The following BCL2L14 variants were observed in gnomAD, a reference collection of about 807,000 sequenced individuals.
The protein encoded by BCL2L14 is BCL2 like 14, also known as apoptosis facilitator Bcl-2-like protein 14.
Under a neutral mutation model 35.3 loss-of-function variants are expected in BCL2L14, and 27 were observed. The ratio of observed to expected loss-of-function variants is 0.76; its 90% CI spans 0.56 to 1.05. The LOEUF is 1.05. Among genes scored for constraint, BCL2L14 ranks in the 50% least tolerant of loss-of-function variants. BCL2L14 has a pLI of 0.00. For synonymous variants in BCL2L14, 139 were observed against 145.9 expected (o/e 0.95, Z 0.34); for missense variants, 377 against 382.6 (o/e 0.99, Z 0.12).
intron 3 of BCL2L14, among the ~76,000 whole-genome samples, chr12:12,089,753 T>C (rs1336314477): frequency 6.6e-6 from 1 of 152,234 alleles, no homozygotes; most frequent in Non-Finnish European, 1.5e-5. Flanking sequence ...GCCACGTTCC[T>C]ATCCATCTGC....
At chr12:12,050,404 A>G (rs950840408) in intron 1 of BCL2L14, among the ~76,000 whole-genome samples, 15 of 145,434 alleles carry the variant, frequency 1.0e-4, no homozygotes, top group African/African-American at 3.9e-4. Context: ...CTGCACTCCA[A>G]CCTGGGCGAC....
chr12:12,061,496 A>G (rs185657188), intron 2 of BCL2L14, among the ~76,000 whole-genome samples: 1,362 of 43,458 alleles, frequency 0.031, 22 homozygotes, highest in Admixed American at 0.043. Flanking sequence ...TCCTAGAACA[A>G]GACAAGCCTT....
chr12:12,085,126 AG>A (rs1949015623), intron 2 of BCL2L14, among the ~76,000 whole-genome samples: 1 of 149,996 alleles, frequency 6.7e-6, no homozygotes, highest in African/African-American at 2.5e-5. Flanking sequence ...GTACACAGTT[AG>A]CCAGATTGAG....
At chr12:12,053,785 C>T (rs1306360258) in intron 2 of BCL2L14, among the ~76,000 whole-genome samples, 2 of 152,176 alleles carry the variant, frequency 1.3e-5, no homozygotes, top group Admixed American at 1.3e-4. Flanking sequence ...GAAGCCACTG[C>T]ATACTGATGA....
Position 12,094,619 on chromosome 12 carries a change from G to A in BCL2L14, c.679-45G>A, listed in dbSNP as rs758270759. 36 of 1,614,068 alleles carry A rather than the reference G, an allele frequency of 2.2e-5. 1 individual carries two copies. The highest frequency in any genetic ancestry group is 1.6e-4 in the Middle Eastern group (1 of 6,084). ...TAAAGAATGAACTTCTGTCTGCCTCGTGGAGCCAAGCTACTGTACTGAGTG... is the reference window on the plus strand; with the variant it reads ...TAAAGAATGAACTTCTGTCTGCCTCATGGAGCCAAGCTACTGTACTGAGTG... On this transcript the variant is annotated intron_variant, in intron 4 of 5. Transcript: ENST00000308721.
chr12:12,095,387 C>T, intron 5 of BCL2L14: 2 of 985,288 alleles, frequency 2.0e-6, no homozygotes, highest in Non-Finnish European at 2.4e-6. Flanking sequence ...CTGCTTTGAC[C>T]CAGCCATTTT....
intron 1 of BCL2L14, among the ~76,000 whole-genome samples, chr12:12,050,793 T>TAAAAAAAAAA (rs3052084): frequency 1.0e-3 from 88 of 88,160 alleles, no homozygotes; most frequent in Middle Eastern, 5.1e-3. Context: ...GCTGATGAGC[T>TAAAAAAAAAA]AAAAAAAAAA....
chr12:12,061,967 C>T (rs1303617063), intron 2 of BCL2L14, among the ~76,000 whole-genome samples: 4 of 152,206 alleles, frequency 2.6e-5, no homozygotes, highest in African/African-American at 9.7e-5. Context: ...CAGGACCGCA[C>T]CCTGTAACCT....
chr12:12,050,793 T>TAAAA (rs3052084), intron 1 of BCL2L14, among the ~76,000 whole-genome samples: 73 of 88,280 alleles, frequency 8.3e-4, no homozygotes, highest in African/African-American at 2.3e-3. Context: ...GCTGATGAGC[T>TAAAA]AAAAAAAAAA....
At position 12,098,949 on chromosome 12, in the gene BCL2L14, G is replaced by A. The variant is rs1949373500; in HGVS notation, c.946-1G>A. ...TTTAAGAACCTATTTTTCCCCTCTA[G>A]GAAAAAATACTTGGGATATCACATG... On this transcript the variant is annotated splice_acceptor_variant, in intron 5 of 5. Coordinates refer to ENST00000308721, the MANE Select transcript of BCL2L14 (RefSeq NM_138723.2). LOFTEE classifies it high-confidence loss of function. 6.3e-7 allele frequency: 1 copy of A among 1,589,296 alleles called. No individual in the cohort carries two copies. Among genetic ancestry groups the A allele is most frequent in the African/African-American group, 1.3e-5 (1 of 74,462 alleles).
rs372255665 is a variant in BCL2L14, at chr12:12,058,528, T to C, written c.-272+6681T>C. 3.9e-5 allele frequency among the ~76,000 whole-genome samples: 6 copies of C among 152,238 alleles called. No individual in the cohort carries two copies. In the East Asian group the frequency reaches 7.7e-4, roughly 20 times the overall value. On this transcript the variant is annotated intron_variant, in intron 2 of 3. Transcript: ENST00000461264. ...CCTGTTCCTGCCTTAACTGATGACA[T>C]TGTCTTGTGAAATTCCTTCTCCTGG...
intron 4 of BCL2L14, among the ~76,000 whole-genome samples, chr12:12,091,367 A>G (rs10845479): frequency 0.24 from 35,842 of 152,110 alleles, 4,418 homozygotes; most frequent in Middle Eastern, 0.39. Flanking sequence ...ATTTCCTGCC[A>G]TTTGGAAGTT....
chr12:12,090,701 A>G, intron 3 of BCL2L14, 78 bp from the exon 4 acceptor site: 1 of 1,124,048 alleles, frequency 8.9e-7, no homozygotes, highest in Non-Finnish European at 1.3e-6. Context: ...CCAAGCCACA[A>G]GCATTCATTG....
chr12:12,088,526 C>T (rs1949097501), intron 3 of BCL2L14, among the ~76,000 whole-genome samples: 1 of 152,208 alleles, frequency 6.6e-6, no homozygotes, highest in African/African-American at 2.4e-5. Flanking sequence ...CCAACATTCA[C>T]TGTGCAAGCT....
chr12:12,088,784 G>A (rs545656423), intron 3 of BCL2L14, among the ~76,000 whole-genome samples: 8 of 152,188 alleles, frequency 5.3e-5, no homozygotes, highest in African/African-American at 1.9e-4. Flanking sequence ...TCCCAACCCC[G>A]ATGCAGAGCG....
At chr12:12,056,086 TC>T (rs58092981) in intron 2 of BCL2L14, among the ~76,000 whole-genome samples, 6,406 of 152,202 alleles carry the variant, frequency 0.042, 213 homozygotes, top group African/African-American at 0.091. Flanking sequence ...TCCCAATGTT[TC>T]CCCTTAGTAA....
intron 2 of BCL2L14, among the ~76,000 whole-genome samples, chr12:12,063,366 C>A (rs564309573): frequency 7.9e-5 from 12 of 151,032 alleles, no homozygotes; most frequent in African/African-American, 2.7e-4. Flanking sequence ...AATTCTTAGA[C>A]CTTTTATACC....
intron 2 of BCL2L14, among the ~76,000 whole-genome samples, chr12:12,059,269 AACCCCTTCTCTCCGTGTCTCT>A (rs1948486388): frequency 6.6e-6 from 1 of 151,628 alleles, no homozygotes; most frequent in African/African-American, 2.4e-5. Flanking sequence ...CAAGTACCCC[AACCCCTTCTCTCCGTGTCTCT>A]ACCCCTTCTC....
chr12:12,096,817 T>C (rs1374569454), intron 5 of BCL2L14, among the ~76,000 whole-genome samples: 1 of 152,256 alleles, frequency 6.6e-6, no homozygotes. Context: ...GGAAAACCAC[T>C]TGGGAGTTCC....
Sources: gnomAD v4.1 joint callset for allele counts (sites outside exome capture counted in the v4.1 genomes callset) on GRCh38, gnomAD v4.1.1 for gene constraint, MANE v1.5 for transcripts, NCBI Gene and HGNC (gene_info 2026-07-23, HGNC 2026-07-21) for gene names.